Variants in CDK14 observed in about 807,000 individuals in gnomAD.
CDK14 encodes the protein cyclin-dependent kinase 14.
A neutral mutation model predicts 60.7 loss-of-function variants in CDK14; 34 were observed. The ratio of observed to expected loss-of-function variants is 0.56; its 90% CI spans 0.43 to 0.75. The LOEUF (loss-of-function observed/expected upper bound fraction) is 0.75. Among genes scored for constraint, CDK14 ranks in the 30% least tolerant of loss-of-function variants. The probability of loss-of-function intolerance (pLI) is 0.00; values close to 1 mark genes in which losing one functional copy is unlikely to be tolerated. For synonymous variants in CDK14, 197 were observed against 203.7 expected, an observed-to-expected ratio of 0.97 and a Z score of 0.28; for missense variants, 482 against 564.1, an observed-to-expected ratio of 0.85 and a Z score of 1.47.
intron 14 of CDK14, among the ~76,000 whole-genome samples, chr7:91,118,470 T>A (rs2116378059): frequency 6.6e-6 from 1 of 152,358 alleles, no homozygotes; most frequent in Middle Eastern, 3.4e-3. Flanking sequence ...GCAAGTCATC[T>A]TAACTACTCA....
At chr7:90,713,673 GA>G (rs1802142976) in intron 2 of CDK14, among the ~76,000 whole-genome samples, 1 of 149,394 alleles carries the variant, frequency 6.7e-6, no homozygotes, top group African/African-American at 2.5e-5. Flanking sequence ...AGAATGGAGA[GA>G]AATGGAGAGA....
chr7:90,887,993 T>G (rs1218117271), intron 6 of CDK14, among the ~76,000 whole-genome samples: 1 of 152,140 alleles, frequency 6.6e-6, no homozygotes, highest in Non-Finnish European at 1.5e-5. Context: ...AAAAATGGGG[T>G]AACCAAATTA....
At chr7:91,184,204 TA>T (rs59565390) in intron 14 of CDK14, among the ~76,000 whole-genome samples, 67 of 36,660 alleles carry the variant, frequency 1.8e-3, no homozygotes, top group Middle Eastern at 0.028. Context: ...GGCTCCGTCT[TA>T]AAAAAAAAAA....
At chr7:90,679,193 C>G (rs1801264577) in intron 2 of CDK14, among the ~76,000 whole-genome samples, 1 of 152,156 alleles carries the variant, frequency 6.6e-6, no homozygotes, top group Non-Finnish European at 1.5e-5. Context: ...CTCAAGTAAT[C>G]CTCCTGCATC....
At chr7:90,903,957 C>G (rs984267546) in intron 7 of CDK14, among the ~76,000 whole-genome samples, 3 of 152,138 alleles carry the variant, frequency 2.0e-5, no homozygotes, top group East Asian at 3.9e-4. Flanking sequence ...TCCTGACTCT[C>G]CCTATGTCCC....
chr7:90,965,673 T>C (rs740824), intron 9 of CDK14, among the ~76,000 whole-genome samples: 113,682 of 152,112 alleles, frequency 0.75, 42,576 homozygotes, highest in East Asian at 0.78. Flanking sequence ...TTAGGTGCAT[T>C]AGAAGAATGC....
chr7:90,637,601 T>C (rs908891207), intron 2 of CDK14, among the ~76,000 whole-genome samples: 2 of 151,922 alleles, frequency 1.3e-5, no homozygotes, highest in Admixed American at 1.3e-4. Context: ...CTGCAAAAAA[T>C]GTATATTCTG....
chr7:90,674,401 G>T (rs533507287), intron 2 of CDK14, among the ~76,000 whole-genome samples: 97 of 152,260 alleles, frequency 6.4e-4, no homozygotes, highest in African/African-American at 2.0e-3. Context: ...CTTGAGAGAG[G>T]ATAGCCATAG....
intron 14 of CDK14, among the ~76,000 whole-genome samples, chr7:91,163,964 C>T (rs1198067567): frequency 6.6e-6 from 1 of 152,156 alleles, no homozygotes; most frequent in Admixed American, 6.5e-5. Flanking sequence ...TTTGCAATAA[C>T]ACCTACTAGT....
intron 4 of CDK14, among the ~76,000 whole-genome samples, chr7:90,782,324 A>G (rs989002758): frequency 1.4e-4 from 22 of 152,158 alleles, no homozygotes; most frequent in East Asian, 7.7e-4. Flanking sequence ...GGGCTGAGAC[A>G]ATGGGGTTTT....
At chr7:90,951,486 C>CA (rs1357170185) in intron 8 of CDK14, among the ~76,000 whole-genome samples, 1 of 152,118 alleles carries the variant, frequency 6.6e-6, no homozygotes, top group Non-Finnish European at 1.5e-5. Flanking sequence ...AGGAGTAAGT[C>CA]AGTGTTGCCA....
chr7:90,753,075 T>C (rs929547973), intron 4 of CDK14, among the ~76,000 whole-genome samples: 1 of 152,124 alleles, frequency 6.6e-6, no homozygotes, highest in African/African-American at 2.4e-5. Context: ...AGAGAAGAGA[T>C]GGTATCAATT....
chr7:90,739,491 A>G lies in CDK14; in HGVS notation c.370-8190A>G, dbSNP rs184337271. Among the ~76,000 whole-genome samples the G allele has an allele frequency of 5.6e-4, 86 of 152,286 alleles. No homozygotes were observed. The East Asian group carries it at 0.01, about 18-fold the overall frequency. The stretch of plus-strand genomic sequence containing the variant: ...GTTTAATATGGTCTATGTCTTAAAA[A>G]TAACTACATTAACTCTTTTATACAA... On this transcript the variant is annotated intron_variant, in intron 3 of 14. Coordinates refer to ENST00000380050, the MANE Select transcript of CDK14 (RefSeq NM_001287135.2).
At chr7:91,002,880 G>A (rs1453790799) in intron 10 of CDK14, among the ~76,000 whole-genome samples, 2 of 152,102 alleles carry the variant, frequency 1.3e-5, no homozygotes, top group Admixed American at 6.5e-5. Context: ...AGACCATCCT[G>A]GCTAACACGG....
At chr7:90,789,918 C>G (rs1805756252) in intron 4 of CDK14, among the ~76,000 whole-genome samples, 1 of 152,006 alleles carries the variant, frequency 6.6e-6, no homozygotes. Flanking sequence ...TTGGCGCCAA[C>G]ACATATTTAG....
intron 5 of CDK14, among the ~76,000 whole-genome samples, chr7:90,839,355 G>C (rs1790214683): frequency 6.6e-6 from 1 of 152,132 alleles, no homozygotes; most frequent in African/African-American, 2.4e-5. Flanking sequence ...TTTGTACTCT[G>C]CTAATGCCCC....
intron 7 of CDK14, among the ~76,000 whole-genome samples, chr7:90,910,548 G>A (rs1484872897): frequency 4.6e-5 from 7 of 152,200 alleles, no homozygotes; most frequent in Non-Finnish European, 1.0e-4. Context: ...CATACTATTT[G>A]AAGTATTTAT....
chr7:90,916,588 C>T (rs2117415127), intron 7 of CDK14, among the ~76,000 whole-genome samples: 1 of 152,316 alleles, frequency 6.6e-6, no homozygotes, highest in East Asian at 1.9e-4. Flanking sequence ...ATCTTTCTAT[C>T]ATTCGTCTTT....
At chr7:90,742,820 T>A (rs907108016) in intron 3 of CDK14, among the ~76,000 whole-genome samples, 5 of 151,998 alleles carry the variant, frequency 3.3e-5, no homozygotes, top group African/African-American at 9.7e-5. Context: ...TTAATTTTTT[T>A]ATTAAAAAAA....
Sources: gnomAD v4.1 joint callset for allele counts (sites outside exome capture counted in the v4.1 genomes callset) on GRCh38, gnomAD v4.1.1 for gene constraint, MANE v1.5 for transcripts, NCBI Gene and HGNC (gene_info 2026-07-23, HGNC 2026-07-21) for gene names.